The following COL18A1 variants were observed in gnomAD, a reference collection of about 807,000 sequenced individuals.
The protein encoded by COL18A1 is collagen type XVIII alpha 1 chain.
In COL18A1, 133 loss-of-function variants were observed where a neutral mutation model predicts 168.0. The ratio of observed to expected loss-of-function variants is 0.79; its 90% CI spans 0.69 to 0.91. The LOEUF (loss-of-function observed/expected upper bound fraction) is 0.91, where lower values mean the gene tolerates loss of function less well. Ranked by LOEUF, COL18A1 falls within the 40% of genes least tolerant of loss-of-function variation. COL18A1 has a pLI of 0.00. For synonymous variants in COL18A1, 949 were observed against 809.0 expected, an observed-to-expected ratio of 1.17 and a Z score of -2.94; for missense variants, 2,126 against 1,925.4, an observed-to-expected ratio of 1.10 and a Z score of -1.95.
At chr21:45,413,548 G>A (rs1026310038) in intron 2 of COL18A1, among the ~76,000 whole-genome samples, 1 of 152,264 alleles carries the variant, frequency 6.6e-6, no homozygotes, top group African/African-American at 2.4e-5. Context: ...GTTCCCGGAG[G>A]GAGGCGTCTG....
Position 45,492,258 on chromosome 21 carries a change from C to T in COL18A1, c.2158-277C>T, listed in dbSNP as rs144065519. Among the ~76,000 whole-genome samples the T allele has an allele frequency of 2.2e-3, 334 of 152,300 alleles. 4 individuals are homozygous for T. The highest frequency in any genetic ancestry group is 7.6e-3 in the African/African-American group (317 of 41,564). ...CTCCCGTAGGCCGAGCCACCTCCGC[C>T]GGCAAGCAAGGGAGCGTCTAGCAGA... is the stretch of plus-strand genomic sequence containing the variant. On this transcript the variant is annotated intron_variant, in intron 22 of 41. Transcript: ENST00000651438.
intron 32 of COL18A1, among the ~76,000 whole-genome samples, chr21:45,499,646 G>A (rs897821005): frequency 2.0e-5 from 3 of 152,222 alleles, no homozygotes; most frequent in Admixed American, 6.5e-5. Flanking sequence ...TGCACAGCAT[G>A]GTGTCCCATC....
intron 8 of COL18A1, 73 bp downstream of exon 8, chr21:45,478,038 C>T (rs1252080362): frequency 1.3e-5 from 11 of 856,632 alleles, no homozygotes; most frequent in African/African-American, 3.3e-5. Context: ...GGAGAGGCTG[C>T]GGCCGACATG....
chr21:45,491,268 GC>G lies in COL18A1; in HGVS notation c.2118del (p.Gly707AspfsTer17), dbSNP rs775168204. ...KDGVGQPGLP[G>X]PPGPPGPVVY... The stretch of plus-strand genomic sequence containing the variant: ...GGAGTCGGGCAGCCGGGCCTCCCTG[GC>G]CCCCCCGGACCCCCGGGACCTGTGG... On this transcript the variant is annotated frameshift_variant, in exon 22 of 42. Coordinates refer to ENST00000651438, the MANE Select transcript of COL18A1 (RefSeq NM_001379500.1). LOFTEE classifies it high-confidence loss of function. The G allele has an allele frequency of 6.2e-6, 10 of 1,611,236 alleles. 1 individual carries two copies. The highest frequency in any genetic ancestry group is 8.5e-6 in the Non-Finnish European group (10 of 1,178,994).
chr21:45,428,223 G>A (rs2033862392), intron 2 of COL18A1, among the ~76,000 whole-genome samples: 1 of 152,136 alleles, frequency 6.6e-6, no homozygotes. Flanking sequence ...TGGTGAGGGT[G>A]GCCTCGGGCC....
intron 21 of COL18A1, 73 bp downstream of exon 21, chr21:45,490,944 C>T: frequency 2.1e-6 from 3 of 1,411,346 alleles, no homozygotes; most frequent in Non-Finnish European, 2.9e-6. Flanking sequence ...CCTCAGCTGC[C>T]CCAGGTCCGT....
At position 45,509,486 on chromosome 21, in the gene COL18A1, G is replaced by C; in HGVS notation, c.3380G>C (p.Arg1127Pro). 6.6e-7 allele frequency: 1 copy of C among 1,523,474 alleles called. No individual in the cohort carries two copies. Among genetic ancestry groups the C allele is most frequent in the Non-Finnish European group, 8.8e-7 (1 of 1,131,722 alleles). The allele number at this position is 1,523,474 out of a possible 1,614,324, so 94.4% of individuals were successfully genotyped here. ...RADDILASPP[R>P]LPEPQPYPGA... The stretch of plus-strand genomic sequence containing the variant: ...GATGACATCCTGGCCAGCCCCCCTC[G>C]CCTGCCCGAGCCCCAGCCCTACCCC... The change falls in exon 39 of 42, where the codon CGC (arginine) becomes CCC (proline). Residue 1127 changes from arginine to proline, a missense_variant. By Grantham distance (103) the Arg-to-Pro change is moderately radical. Transcript: ENST00000651438.
Position 45,478,333 on chromosome 21 carries a change from CCCGGTGAAGACGGAAAG to C in COL18A1, c.1236_1248+4del. Reference sequence around the variant, plus strand: ...GCTTCTCTTGCACACCCAGGGCGACCCCGGTGAAGACGGAAAGCCGGTGAGTCTGCTTTTCTTTCTGA... The same window carrying C: ...GCTTCTCTTGCACACCCAGGGCGACCCCGGTGAGTCTGCTTTTCTTTCTGA... On this transcript the variant is annotated frameshift_variant, in exon 9 of 42. Coordinates refer to ENST00000651438, the MANE Select transcript of COL18A1 (RefSeq NM_001379500.1). LOFTEE classifies it high-confidence loss of function. 1 of 1,614,036 alleles carries C rather than the reference CCCGGTGAAGACGGAAAG, an allele frequency of 6.2e-7. No homozygotes were observed. Among genetic ancestry groups the C allele is most frequent in the Non-Finnish European group, 8.5e-7 (1 of 1,179,992 alleles).
Position 45,468,642 on chromosome 21 carries a change from G to A in COL18A1, c.507G>A (p.Val169=). 1 of 1,614,028 alleles carries A rather than the reference G, an allele frequency of 6.2e-7. No individual in the cohort carries two copies. The highest frequency in any genetic ancestry group is 8.5e-7 in the Non-Finnish European group (1 of 1,180,026). ...VGQWTHLALS[V]AGGFVALYVD... The stretch of plus-strand genomic sequence containing the variant: ...AGTGGACACACTTAGCCCTCAGTGT[G>A]GCAGGTGGCTTTGTGGCCCTCTACG... Residue 169 remains valine (V), a synonymous_variant, in exon 3 of 42, where the codon GTG becomes GTA. Transcript: ENST00000651438.
rs1268694070 is a variant in COL18A1, at chr21:45,505,228, GC to G, written c.2969del (p.Pro990GlnfsTer41). Reference sequence around the variant, plus strand: ...TACGAGGGGCGCCAGGGCCCTCCCGGCCCCCCAGGCCCCCCAGGGCCCCCTT... The same window carrying G: ...TACGAGGGGCGCCAGGGCCCTCCCGGCCCCCAGGCCCCCCAGGGCCCCCTT... ...IGYEGRQGPP[G>X]PPGPPGPPSF... On this transcript the variant is annotated frameshift_variant, in exon 35 of 42. Coordinates refer to ENST00000651438, the MANE Select transcript of COL18A1 (RefSeq NM_001379500.1). LOFTEE classifies it high-confidence loss of function. The G allele has an allele frequency of 6.3e-7, 1 of 1,593,570 alleles. No individual in the cohort carries two copies. The highest frequency in any genetic ancestry group is 8.6e-7 in the Non-Finnish European group (1 of 1,167,398).
At chr21:45,427,382 C>G (rs909813078) in intron 2 of COL18A1, among the ~76,000 whole-genome samples, 3 of 152,214 alleles carry the variant, frequency 2.0e-5, no homozygotes, top group Non-Finnish European at 2.9e-5. Flanking sequence ...TAGTAACTCA[C>G]CAGCAGTCCC....
intron 15 of COL18A1, among the ~76,000 whole-genome samples, chr21:45,486,342 C>G (rs2036111481): frequency 7.7e-6 from 1 of 129,482 alleles, no homozygotes; most frequent in African/African-American, 3.5e-5. Context: ...GCCGGGGAGC[C>G]AGGGCTGGTC....
intron 38 of COL18A1, among the ~76,000 whole-genome samples, chr21:45,508,771 G>C (rs1350860396): frequency 6.6e-6 from 1 of 152,228 alleles, no homozygotes; most frequent in South Asian, 2.1e-4. Context: ...CCTGTGTGCC[G>C]GGTGGCCATG....
At chr21:45,480,331 G>T in intron 11 of COL18A1, 136 bp from the exon 12 acceptor site, 1 of 1,511,540 alleles carries the variant, frequency 6.6e-7, no homozygotes, top group Admixed American at 1.9e-5. Flanking sequence ...GGCTTCTCTG[G>T]GGGCAGCAGA....
intron 2 of COL18A1, chr21:45,455,585 G>A (rs2034770915): frequency 6.2e-7 from 1 of 1,613,932 alleles, no homozygotes; most frequent in Non-Finnish European, 8.5e-7. Flanking sequence ...CTGCTGCCTG[G>A]CGGCTGCCCG....
intron 2 of COL18A1, among the ~76,000 whole-genome samples, chr21:45,416,800 C>G (rs1192165441): frequency 1.3e-5 from 2 of 152,150 alleles, no homozygotes; most frequent in East Asian, 3.9e-4. Context: ...GGTCTTTTAT[C>G]CCCAGCCCCA....
chr21:45,492,461 T>C (rs2036385152), intron 22 of COL18A1, 74 bp from the exon 23 acceptor site: 11 of 1,552,248 alleles, frequency 7.1e-6, no homozygotes, highest in East Asian at 6.7e-5. Context: ...TTTGTTGATC[T>C]GTAAGTCGCT....
chr21:45,483,856 A>G (rs545554038), intron 15 of COL18A1, among the ~76,000 whole-genome samples: 8 of 152,222 alleles, frequency 5.3e-5, no homozygotes, highest in African/African-American at 1.9e-4. Context: ...GAGTGAATGC[A>G]TGTGCACATA....
intron 31 of COL18A1, 62 bp downstream of exon 31, chr21:45,497,154 CT>C: frequency 9.3e-7 from 1 of 1,078,138 alleles, no homozygotes; most frequent in Non-Finnish European, 1.4e-6. Flanking sequence ...AGAGCCCCAC[CT>C]TCCTTCCCGT....
Sources: gnomAD v4.1 joint callset for allele counts (sites outside exome capture counted in the v4.1 genomes callset) on GRCh38, gnomAD v4.1.1 for gene constraint, MANE v1.5 for transcripts, NCBI Gene and HGNC (gene_info 2026-07-23, HGNC 2026-07-21) for gene names.